Variants in EDA observed in about 807,000 individuals in gnomAD.
The protein encoded by EDA is ectodysplasin-A.
EDA carries 2 observed loss-of-function variants against 23.6 expected under a neutral mutation model. The ratio of observed to expected loss-of-function variants is 0.08; its 90% confidence interval spans 0.03 to 0.27. EDA has a LOEUF of 0.27. Ranked by LOEUF, EDA falls within the 10% of genes least tolerant of loss-of-function variation. EDA has a pLI of 1.00. For synonymous variants in EDA, 131 were observed against 132.0 expected (o/e 0.99, Z 0.05); for missense variants, 229 against 324.2 (o/e 0.71, Z 2.26).
At chrX:69,745,795 C>T (rs2013599199) in intron 1 of EDA, among the ~76,000 whole-genome samples, 1 of 111,234 alleles carries the variant, frequency 9.0e-6, no homozygotes, top group Non-Finnish European at 1.9e-5. Flanking sequence ...TGAGACCAGC[C>T]TAGCCAACAT....
intron 1 of EDA, among the ~76,000 whole-genome samples, chrX:69,792,968 TA>T (rs2015443192): frequency 8.9e-6 from 1 of 112,390 alleles, no homozygotes; most frequent in African/African-American, 3.2e-5. Context: ...CTTTTTAGTT[TA>T]ATTAGGTCCC....
chrX:69,844,921 G>T (rs2016975490), intron 1 of EDA, among the ~76,000 whole-genome samples: 1 of 111,843 alleles, frequency 8.9e-6, no homozygotes, highest in Admixed American at 9.5e-5. Context: ...CTCCTCTTCA[G>T]GCTTAAATTT....
chrX:69,979,122 A>T (rs189415715), intron 2 of EDA, among the ~76,000 whole-genome samples: 318 of 111,610 alleles, frequency 2.8e-3, no homozygotes, highest in African/African-American at 9.9e-3. Flanking sequence ...ATGACTACCT[A>T]TTCTAGTTCC....
chrX:69,993,241 T>C (rs1207562298), intron 2 of EDA, among the ~76,000 whole-genome samples: 1 of 110,353 alleles, frequency 9.1e-6, no homozygotes, highest in Non-Finnish European at 1.9e-5. Flanking sequence ...AAAATGAGGG[T>C]TAAGTACAAT....
chrX:70,027,717 A>G, intron 3 of EDA, 140 bp from the exon 4 acceptor site: 3 of 445,499 alleles, frequency 6.7e-6, no homozygotes, highest in East Asian at 4.2e-5. Context: ...CAGTTACTCC[A>G]GAGGCTGAGG....
chrX:69,825,854 C>G (rs1386456953), intron 1 of EDA, among the ~76,000 whole-genome samples: 2 of 110,517 alleles, frequency 1.8e-5, no homozygotes, highest in Non-Finnish European at 3.8e-5. Context: ...AAATTTCCCT[C>G]TACACACTGC....
At chrX:69,746,401 C>T (rs1193604868) in intron 1 of EDA, among the ~76,000 whole-genome samples, 1 of 111,775 alleles carries the variant, frequency 8.9e-6, no homozygotes, top group Non-Finnish European at 1.9e-5. Flanking sequence ...GCACACCTCC[C>T]AACCCCAACT....
intron 1 of EDA, among the ~76,000 whole-genome samples, chrX:69,695,196 T>C (rs960428426): frequency 1.8e-5 from 2 of 110,426 alleles, no homozygotes; most frequent in Non-Finnish European, 3.8e-5. Flanking sequence ...GGTGTGTGCC[T>C]GTAGTCCCAG....
At chrX:69,870,558 G>A (rs1480218767) in intron 1 of EDA, among the ~76,000 whole-genome samples, 1 of 110,996 alleles carries the variant, frequency 9.0e-6, no homozygotes, top group African/African-American at 3.3e-5. Context: ...CTCCTCAAAG[G>A]TGGACAAGCT....
At chrX:69,744,990 T>C (rs1472872913) in intron 1 of EDA, among the ~76,000 whole-genome samples, 2 of 111,543 alleles carry the variant, frequency 1.8e-5, no homozygotes. Flanking sequence ...ACTATCTCGT[T>C]TTCCTCTTCG....
intron 3 of EDA, among the ~76,000 whole-genome samples, chrX:70,026,806 C>G (rs1362540525): frequency 3.6e-5 from 4 of 110,718 alleles, no homozygotes; most frequent in African/African-American, 1.3e-4. Context: ...TCCCTCTACT[C>G]TCTGTCTCTG....
At chrX:69,640,517 A>T (rs745673544) in intron 1 of EDA, among the ~76,000 whole-genome samples, 3 of 110,966 alleles carry the variant, frequency 2.7e-5, no homozygotes, top group Non-Finnish European at 5.7e-5. Context: ...ATGGGTATGG[A>T]GTTACCTTGA....
intron 1 of EDA, among the ~76,000 whole-genome samples, chrX:69,825,909 C>T (rs1162874020): frequency 9.2e-6 from 1 of 109,129 alleles, no homozygotes; most frequent in Non-Finnish European, 1.9e-5. Flanking sequence ...TCTTTGTTCT[C>T]GTTGGTTTCA....
At chrX:69,687,278 T>C (rs1051668673) in intron 1 of EDA, among the ~76,000 whole-genome samples, 3 of 110,038 alleles carry the variant, frequency 2.7e-5, no homozygotes, top group Non-Finnish European at 5.7e-5. Flanking sequence ...TTTTTTTTTT[T>C]AGTTGTAAGT....
chrX:69,637,307 T>A (rs1384417305), intron 1 of EDA, among the ~76,000 whole-genome samples: 1 of 111,020 alleles, frequency 9.0e-6, no homozygotes, highest in African/African-American at 3.3e-5. Flanking sequence ...CCCAGAGAAC[T>A]GAGCACGTTA....
chrX:69,816,613 A>G (rs2016087605), intron 1 of EDA, among the ~76,000 whole-genome samples: 1 of 111,723 alleles, frequency 9.0e-6, no homozygotes, highest in African/African-American at 3.3e-5. Context: ...CTTAAAGACT[A>G]TCTTTCTGAA....
At position 70,035,352 on chromosome X, in the gene EDA, A is replaced by G. The variant is rs765272179; in HGVS notation, c.925-6A>G. Reference sequence around the variant, plus strand: ...CCCCAATCCCTTCTTGTTGCCTCTCACTCAGGTATACTACATCAACTTCAC... The same window carrying G: ...CCCCAATCCCTTCTTGTTGCCTCTCGCTCAGGTATACTACATCAACTTCAC... On this transcript the variant is annotated splice_region_variant and splice_polypyrimidine_tract_variant and intron_variant, in intron 7 of 7. Coordinates refer to ENST00000374552, the MANE Select transcript of EDA (RefSeq NM_001399.5). The G allele has an allele frequency of 8.3e-7, 1 of 1,206,952 alleles. No homozygotes were observed. Among genetic ancestry groups the G allele is most frequent in the Non-Finnish European group, 1.1e-6 (1 of 893,539 alleles).
intron 2 of EDA, among the ~76,000 whole-genome samples, chrX:69,990,800 T>C (rs769259953): frequency 9.5e-6 from 1 of 105,516 alleles, no homozygotes; most frequent in East Asian, 3.1e-4. Flanking sequence ...ACTTCTTCAC[T>C]TCCAAGTCTG....
intron 1 of EDA, among the ~76,000 whole-genome samples, chrX:69,746,623 G>A (rs923174637): frequency 2.7e-5 from 3 of 111,109 alleles, no homozygotes; most frequent in African/African-American, 9.8e-5. Context: ...GGCTTAAGGT[G>A]GAAACAAAAG....
Sources: gnomAD v4.1 joint callset for allele counts (sites outside exome capture counted in the v4.1 genomes callset) on GRCh38, gnomAD v4.1.1 for gene constraint, MANE v1.5 for transcripts, NCBI Gene and HGNC (gene_info 2026-07-23, HGNC 2026-07-21) for gene names.